ADIPOR2: variants seen among roughly 807,000 people sequenced by gnomAD.
The protein encoded by ADIPOR2 is adiponectin receptor 2.
In ADIPOR2, 18 loss-of-function variants were observed where a neutral mutation model predicts 40.9. That is an observed-to-expected ratio of 0.44 (90% CI 0.30 to 0.65). The LOEUF is 0.65. Among genes scored for constraint, ADIPOR2 ranks in the 30% least tolerant of loss-of-function variants. ADIPOR2 has a pLI of 0.09. For missense variants in ADIPOR2, 283 were observed against 479.2 expected, an observed-to-expected ratio of 0.59 and a Z score of 3.82; for synonymous variants, 165 against 166.4, an observed-to-expected ratio of 0.99 and a Z score of 0.06.
At chr12:1,700,771 TTTG>T (rs953887614) in intron 1 of ADIPOR2, among the ~76,000 whole-genome samples, 25 of 145,632 alleles carry the variant, frequency 1.7e-4, no homozygotes, top group Non-Finnish European at 2.8e-4. Flanking sequence ...TAAAAGCTGT[TTTG>T]TTGTTGTTAG....
rs186049303 is a variant in ADIPOR2 at position 1,747,621 on chromosome 12, T to C, written c.-86-6637T>C. On this transcript the variant is annotated intron_variant, in intron 1 of 7. Transcript: ENST00000357103. ...GGATCTTCCAGGAACAAAATCTGTT[T>C]TATTGCTTTTTAAAATCTGAGAAGG... Among the ~76,000 whole-genome samples the C allele has an allele frequency of 8.5e-5, 13 of 152,308 alleles. No homozygotes were observed. The East Asian group carries it at 2.5e-3, about 29-fold the overall frequency.
At chr12:1,691,533 C>T (rs1435003559) in intron 1 of ADIPOR2, among the ~76,000 whole-genome samples, 1 of 152,238 alleles carries the variant, frequency 6.6e-6, no homozygotes, top group African/African-American at 2.4e-5. Flanking sequence ...GCAGTTGCTC[C>T]AGCTCCCTGC....
chr12:1,759,600 C>T (rs1862225935), intron 2 of ADIPOR2, among the ~76,000 whole-genome samples: 1 of 152,156 alleles, frequency 6.6e-6, no homozygotes, highest in South Asian at 2.1e-4. Context: ...TAGGAGTGCC[C>T]ACCTGATCAC....
intron 1 of ADIPOR2, among the ~76,000 whole-genome samples, chr12:1,698,794 C>A (rs2094644445): frequency 1.3e-5 from 2 of 151,744 alleles, no homozygotes; most frequent in Admixed American, 1.3e-4. Flanking sequence ...ACATTGCCAC[C>A]CAGAAAGGTC....
chr12:1,716,342 A>G (rs1044358632), intron 1 of ADIPOR2, among the ~76,000 whole-genome samples: 2 of 152,156 alleles, frequency 1.3e-5, no homozygotes, highest in Non-Finnish European at 2.9e-5. Context: ...ATAAAGACAA[A>G]CCTTTGAAAA....
intron 2 of ADIPOR2, chr12:1,757,887 A>C: frequency 1.2e-6 from 1 of 816,220 alleles, no homozygotes; most frequent in Non-Finnish European, 2.2e-6. Flanking sequence ...TATGATGGGG[A>C]GACACTCTCT....
intron 7 of ADIPOR2, 122 bp downstream of exon 7, chr12:1,784,195 C>T: frequency 9.0e-7 from 1 of 1,108,736 alleles, no homozygotes; most frequent in African/African-American, 1.6e-5. Flanking sequence ...CTGGTCCTAA[C>T]TCCCTATTGA....
chr12:1,753,924 T>C (rs1318253429), intron 1 of ADIPOR2, among the ~76,000 whole-genome samples: 1 of 152,204 alleles, frequency 6.6e-6, no homozygotes, highest in Non-Finnish European at 1.5e-5. Context: ...TTCTTCTCAC[T>C]TCAGACCCGA....
intron 2 of ADIPOR2, among the ~76,000 whole-genome samples, chr12:1,765,032 A>G (rs1268630175): frequency 1.3e-5 from 2 of 152,172 alleles, no homozygotes; most frequent in Admixed American, 1.3e-4. Flanking sequence ...AAATGTATGC[A>G]CTTCCATTAG....
chr12:1,786,219 G>T lies in ADIPOR2; in HGVS notation c.*147G>T. On this transcript the variant is annotated 3_prime_UTR_variant, in exon 8 of 8. Coordinates refer to ENST00000357103, the MANE Select transcript of ADIPOR2 (RefSeq NM_024551.3). ...TGTGACGGCCCAGTGGCTCTGCGTG[G>T]TACATGACTGAGAAGAGAAAAACAA... 1.0e-6 allele frequency: 1 copy of T among 998,838 alleles called. No individual in the cohort carries two copies. The highest frequency in any genetic ancestry group is 2.6e-5 in the East Asian group (1 of 38,326). 61.9% of individuals were successfully genotyped at this position (998,838 alleles called of 1,614,324 possible). A position where few individuals can be genotyped will look rare whatever the true frequency, so the allele number is the denominator to read the frequency against.
intron 1 of ADIPOR2, among the ~76,000 whole-genome samples, chr12:1,748,265 T>C (rs1565647325): frequency 1.3e-5 from 2 of 152,184 alleles, no homozygotes; most frequent in Non-Finnish European, 2.9e-5. Context: ...ATTCTTTTTT[T>C]AGAGACGGAG....
chr12:1,741,350 G>A (rs2094742483), intron 1 of ADIPOR2, among the ~76,000 whole-genome samples: 1 of 152,116 alleles, frequency 6.6e-6, no homozygotes, highest in Admixed American at 6.6e-5. Flanking sequence ...GATCATGGCA[G>A]GGAAGAGAAA....
intron 2 of ADIPOR2, among the ~76,000 whole-genome samples, chr12:1,762,656 C>A (rs970894407): frequency 3.3e-5 from 5 of 152,144 alleles, no homozygotes; most frequent in Non-Finnish European, 7.3e-5. Flanking sequence ...AATGATAGTT[C>A]ACTTTTATTG....
At chr12:1,751,466 G>T (rs1278076814) in intron 1 of ADIPOR2, among the ~76,000 whole-genome samples, 1 of 152,038 alleles carries the variant, frequency 6.6e-6, no homozygotes, top group Non-Finnish European at 1.5e-5. Context: ...CTTCTTCTGA[G>T]ATGAGGATTA....
chr12:1,758,094 T>G (rs1862183043), intron 2 of ADIPOR2: 1 of 562,380 alleles, frequency 1.8e-6, no homozygotes. Flanking sequence ...AGATTTACAT[T>G]AATTGATTTT....
intron 3 of ADIPOR2, among the ~76,000 whole-genome samples, chr12:1,774,946 G>T (rs77091117): frequency 0.2 from 8,862 of 45,120 alleles, 1,135 homozygotes; most frequent in East Asian, 0.46. Context: ...CTCGTGATCT[G>T]CCCGCCTCGG....
intron 6 of ADIPOR2, among the ~76,000 whole-genome samples, chr12:1,783,397 T>C (rs1043686322): frequency 7.1e-6 from 1 of 140,426 alleles, no homozygotes; most frequent in Non-Finnish European, 1.5e-5. Context: ...TGAGGCTCAT[T>C]GCTTTTTTTT....
chr12:1,693,304 C>T (rs374709687), intron 1 of ADIPOR2, among the ~76,000 whole-genome samples: 112 of 120,128 alleles, frequency 9.3e-4, no homozygotes, highest in South Asian at 2.1e-3. Context: ...TATTTATTTA[C>T]TATGTGGACC....
At chr12:1,773,283 C>T (rs1399991934) in intron 3 of ADIPOR2, among the ~76,000 whole-genome samples, 1 of 152,184 alleles carries the variant, frequency 6.6e-6, no homozygotes, top group Non-Finnish European at 1.5e-5. Context: ...TGGTTGACGC[C>T]TGGAGATATG....
Sources: gnomAD v4.1 joint callset for allele counts (sites outside exome capture counted in the v4.1 genomes callset) on GRCh38, gnomAD v4.1.1 for gene constraint, MANE v1.5 for transcripts, NCBI Gene and HGNC (gene_info 2026-07-23, HGNC 2026-07-21) for gene names.